Variants in THSD7B observed in about 807,000 individuals in gnomAD.
The protein encoded by THSD7B is thrombospondin type 1 domain containing 7B.
THSD7B carries 138 observed loss-of-function variants against 213.6 expected under a neutral mutation model. That is an observed-to-expected ratio of 0.65 (90% confidence interval 0.56 to 0.74). The LOEUF is 0.74. THSD7B is among the 30% of genes least tolerant of loss of function. The pLI, the probability that THSD7B is intolerant of heterozygous loss-of-function variation, is 0.00. For missense variants in THSD7B, 1,931 were observed against 1,991.5 expected (o/e 0.97, Z 0.58); for synonymous variants, 742 against 687.0 (o/e 1.08, Z -1.25).
intron 15 of THSD7B, among the ~76,000 whole-genome samples, chr2:137,533,280 T>C (rs1380423195): frequency 6.6e-6 from 1 of 151,844 alleles, no homozygotes; most frequent in Non-Finnish European, 1.5e-5. Flanking sequence ...TCCAGGATTG[T>C]TTCCCATAGG....
intron 2 of THSD7B, among the ~76,000 whole-genome samples, chr2:137,013,923 C>T (rs1363369317): frequency 6.6e-6 from 1 of 152,156 alleles, no homozygotes; most frequent in South Asian, 2.1e-4. Context: ...CTGTTACATT[C>T]ATGTTGGTGA....
chr2:137,655,205 G>A (rs1683211959), intron 21 of THSD7B, among the ~76,000 whole-genome samples: 1 of 152,176 alleles, frequency 6.6e-6, no homozygotes, highest in East Asian at 1.9e-4. Context: ...CATACAACTA[G>A]ACAAATTATG....
intron 15 of THSD7B, among the ~76,000 whole-genome samples, chr2:137,500,714 C>A (rs1383297972): frequency 6.6e-6 from 1 of 152,184 alleles, no homozygotes; most frequent in East Asian, 1.9e-4. Context: ...TGGAATCTGA[C>A]ATCCAGTAAG....
chr2:137,319,189 G>A (rs1458250900), intron 12 of THSD7B, among the ~76,000 whole-genome samples: 3 of 151,920 alleles, frequency 2.0e-5, no homozygotes, highest in Non-Finnish European at 4.4e-5. Context: ...CAAAAAAAAG[G>A]GAGTTAAGAT....
chr2:137,295,607 C>T (rs1405606565), intron 12 of THSD7B, among the ~76,000 whole-genome samples: 1 of 151,984 alleles, frequency 6.6e-6, no homozygotes, highest in Non-Finnish European at 1.5e-5. Flanking sequence ...TCCTGAGTAG[C>T]TGGGATTACA....
intron 2 of THSD7B, among the ~76,000 whole-genome samples, chr2:137,010,043 AC>A (rs1158844629): frequency 6.6e-6 from 1 of 151,656 alleles, no homozygotes; most frequent in Non-Finnish European, 1.5e-5. Context: ...TTCCACCCTC[AC>A]CCCCTCCCAT....
chr2:137,187,359 G>A (rs1401106815), intron 7 of THSD7B, among the ~76,000 whole-genome samples: 1 of 152,198 alleles, frequency 6.6e-6, no homozygotes, highest in Non-Finnish European at 1.5e-5. Flanking sequence ...TCTACACAGT[G>A]ACTTGCCACA....
intron 2 of THSD7B, among the ~76,000 whole-genome samples, chr2:136,987,195 C>G (rs1685687459): frequency 6.6e-6 from 1 of 152,116 alleles, no homozygotes; most frequent in Non-Finnish European, 1.5e-5. Flanking sequence ...AACTAGAGAG[C>G]AAATAAAAGA....
At chr2:137,198,578 T>TGTAGTGGAGGG (rs1212383496) in intron 7 of THSD7B, among the ~76,000 whole-genome samples, 2 of 152,180 alleles carry the variant, frequency 1.3e-5, no homozygotes, top group East Asian at 3.9e-4. Flanking sequence ...TTCAACCATC[T>TGTAGTGGAGGG]GAATAATGAC....
At chr2:137,153,184 T>A (rs1679850436) in intron 5 of THSD7B, among the ~76,000 whole-genome samples, 1 of 152,198 alleles carries the variant, frequency 6.6e-6, no homozygotes, top group South Asian at 2.1e-4. Context: ...TTTGATTTCT[T>A]TCTAAAATTA....
At chr2:136,984,881 T>G (rs1047990240) in intron 2 of THSD7B, among the ~76,000 whole-genome samples, 1 of 152,048 alleles carries the variant, frequency 6.6e-6, no homozygotes, top group Non-Finnish European at 1.5e-5. Context: ...AGGAAGTTAT[T>G]GGGAAGGGGA....
intron 1 of THSD7B, among the ~76,000 whole-genome samples, chr2:136,778,572 A>G (rs1225103453): frequency 6.6e-6 from 1 of 152,226 alleles, no homozygotes; most frequent in East Asian, 1.9e-4. Context: ...CCAAAGTTCT[A>G]TGAGAAATAT....
Position 136,839,654 on chromosome 2 carries a change from A to G in THSD7B, c.-35-42490A>G, listed in dbSNP as rs188885891. Among the ~76,000 whole-genome samples the G allele has an allele frequency of 3.8e-3, 580 of 152,288 alleles. 17 individuals carry two copies. Among genetic ancestry groups the G allele is most frequent in the Admixed American group, 0.032 (493 of 15,298 alleles). ...ACAATGGAGGGTATAAAGGGAAAAA[A>G]CTTTCAAAAAAATGATCAATGCCTC... On this transcript the variant is annotated intron_variant, in intron 1 of 27. Coordinates refer to ENST00000409968, the MANE Select transcript of THSD7B (RefSeq NM_001316349.2).
At chr2:137,000,303 A>G (rs545070792) in intron 2 of THSD7B, among the ~76,000 whole-genome samples, 7 of 152,238 alleles carry the variant, frequency 4.6e-5, no homozygotes, top group African/African-American at 1.7e-4. Flanking sequence ...GTAATCTAGA[A>G]ATTGTAGATT....
At chr2:137,037,982 T>TA (rs56018547) in intron 2 of THSD7B, among the ~76,000 whole-genome samples, 55 of 152,016 alleles carry the variant, frequency 3.6e-4, no homozygotes, top group African/African-American at 8.4e-4. Flanking sequence ...TTAGCAAAAA[T>TA]AAAAAAAAAT....
At chr2:136,914,616 C>T (rs1455743257) in intron 2 of THSD7B, among the ~76,000 whole-genome samples, 1 of 152,170 alleles carries the variant, frequency 6.6e-6, no homozygotes, top group Non-Finnish European at 1.5e-5. Context: ...GAATAAGTCT[C>T]ATGAGATCTG....
At chr2:137,129,500 C>A (rs112411618) in intron 5 of THSD7B, among the ~76,000 whole-genome samples, 1 of 151,606 alleles carries the variant, frequency 6.6e-6, no homozygotes, top group East Asian at 1.9e-4. Flanking sequence ...AGTGTGGTGG[C>A]GCCATATCAG....
intron 7 of THSD7B, among the ~76,000 whole-genome samples, chr2:137,187,558 A>G (rs964705857): frequency 3.3e-5 from 5 of 152,316 alleles, no homozygotes; most frequent in Middle Eastern, 3.4e-3. Flanking sequence ...TGAGACAGGT[A>G]TCTTCCTGAT....
At chr2:137,417,754 C>T (rs999927542) in intron 14 of THSD7B, among the ~76,000 whole-genome samples, 2 of 152,136 alleles carry the variant, frequency 1.3e-5, no homozygotes. Context: ...TTTATATATA[C>T]AGTGTCCTGG....
Sources: allele counts gnomAD v4.1 joint callset (sites outside exome capture counted in the v4.1 genomes callset), GRCh38; gene constraint gnomAD v4.1.1; transcripts MANE v1.5; gene names NCBI Gene and HGNC (gene_info 2026-07-23, HGNC 2026-07-21).